The following ABLIM2 variants were observed in gnomAD, a reference collection of about 807,000 sequenced individuals.
ABLIM2 encodes actin binding LIM protein family member 2, also known as actin-binding LIM protein 2.
A neutral mutation model predicts 97.7 loss-of-function variants in ABLIM2; 53 were observed. The ratio of observed to expected loss-of-function variants is 0.54; its 90% CI spans 0.44 to 0.68. ABLIM2 has a LOEUF of 0.68. Ranked by LOEUF, ABLIM2 falls within the 30% of genes least tolerant of loss-of-function variation. The pLI, the probability that ABLIM2 is intolerant of heterozygous loss-of-function variation, is 0.00. For missense variants in ABLIM2, 835 were observed against 867.2 expected (o/e 0.96, Z 0.47); for synonymous variants, 361 against 345.8 (o/e 1.04, Z -0.49).
In ABLIM2 at chr4:8,071,007, G is replaced by A. The variant is rs1410407080; in HGVS notation, c.675+6621C>T. ...CCTCTTCAGGAGGTGTTGACAGGGC[G>A]AGGGAGGGATGGGGTTCCTGGAAGG... On this transcript the variant is annotated intron_variant, in intron 6 of 20. Coordinates refer to ENST00000447017, the MANE Select transcript of ABLIM2 (RefSeq NM_001130083.2). This position sits in a 1 kb window ranked among gnomAD's most constrained non-coding sequence, Gnocchi z 6.2. 3.3e-5 allele frequency among the ~76,000 whole-genome samples: 5 copies of A among 152,170 alleles called. No individual in the cohort carries two copies. Among genetic ancestry groups the A allele is most frequent in the Admixed American group, 6.5e-5 (1 of 15,286 alleles).
chr4:8,078,768 G>A (rs1160080205), intron 5 of ABLIM2, among the ~76,000 whole-genome samples: 1 of 152,214 alleles, frequency 6.6e-6, no homozygotes, highest in East Asian at 1.9e-4. Flanking sequence ...AAGGACTAAT[G>A]AAGAGAATGG....
Position 8,019,809 on chromosome 4 carries a change from G to T in ABLIM2, c.1370-138C>A. On this transcript the variant is annotated intron_variant, in intron 13 of 20. Transcript: ENST00000447017. This position sits in a 1 kb window ranked among gnomAD's most constrained non-coding sequence, Gnocchi z 4.3. ...CATCAGGCAGGAACTGGCACCCAGC[G>T]AGCGACAGACACCCAGGCCCCAGAT... 1.2e-6 allele frequency: 1 copy of T among 835,848 alleles called. No homozygotes were observed. The highest frequency in any genetic ancestry group is 1.9e-6 in the Non-Finnish European group (1 of 528,010). 51.8% of individuals were successfully genotyped at this position (835,848 alleles called of 1,614,324 possible).
At chr4:8,152,728 C>A (rs761713133) in intron 1 of ABLIM2, among the ~76,000 whole-genome samples, 1 of 152,208 alleles carries the variant, frequency 6.6e-6, no homozygotes, top group Non-Finnish European at 1.5e-5. Context: ...TAGGAGCTAT[C>A]CCAGGACATG....
chr4:8,033,402 C>T lies in ABLIM2; in HGVS notation c.1047+2747G>A, dbSNP rs564355351. On this transcript the variant is annotated intron_variant, in intron 10 of 20. Coordinates refer to ENST00000447017, the MANE Select transcript of ABLIM2 (RefSeq NM_001130083.2). This position sits in a 1 kb window ranked among gnomAD's most constrained non-coding sequence, Gnocchi z 4.5. The stretch of plus-strand genomic sequence containing the variant: ...GCCACGGGCCCTGTGAAGCCCTGTG[C>T]CATGGGAGGTGGGAAGCTGAAGGCC... Among the ~76,000 whole-genome samples the T allele has an allele frequency of 6.6e-6, 1 of 152,182 alleles. No individual in the cohort carries two copies. Among genetic ancestry groups the T allele is most frequent in the Non-Finnish European group, 1.5e-5 (1 of 68,026 alleles).
chr4:8,088,275 G>T lies in ABLIM2; in HGVS notation c.348C>A (p.Phe116Leu), dbSNP rs747138981. 2 of 1,612,184 alleles carry T rather than the reference G, an allele frequency of 1.2e-6. No homozygotes were observed. Among genetic ancestry groups the T allele is most frequent in the East Asian group, 2.2e-5 (1 of 44,792 alleles). ...TGAAGGTCACTCGGTCCCCGGGGGG[G>T]AAGGGCAGCCTGAAACAAGAGAGCT... ...CFVCAVCRLPFPPGDRVTFNG... is the reference protein window; with the variant it reads ...CFVCAVCRLPLPPGDRVTFNG... Residue 116 changes from phenylalanine to leucine, a missense_variant, in exon 4 of 21, where the codon TTC (phenylalanine) becomes TTA (leucine). Phe to Leu is a conservative substitution (Grantham distance 22). Transcript: ENST00000447017.
rs1760510776 is a variant in ABLIM2 at position 8,005,359 on chromosome 4, A to T, written c.1618+2700T>A. ...TGTAACGCATTTCAATTCAACAGACATTTATTGAGTGCCCACTGTGTTGGG... is the reference window on the plus strand; with the variant it reads ...TGTAACGCATTTCAATTCAACAGACTTTTATTGAGTGCCCACTGTGTTGGG... On this transcript the variant is annotated intron_variant, in intron 16 of 20. Transcript: ENST00000447017. The surrounding 1 kb of genome is among the most constrained non-coding windows in gnomAD (Gnocchi z 4.9). 1.9e-6 allele frequency: 1 copy of T among 533,558 alleles called. No homozygotes were observed. Among genetic ancestry groups the T allele is most frequent in the South Asian group, 1.4e-5 (1 of 71,540 alleles). The allele number at this position is 533,558 out of a possible 1,614,324, so 33.1% of individuals were successfully genotyped here.
chr4:7,994,584 C>CGCAACAAAAGACAAAATTGACA (rs1283882613), intron 16 of ABLIM2, among the ~76,000 whole-genome samples: 2 of 73,132 alleles, frequency 2.7e-5, no homozygotes, highest in African/African-American at 7.8e-5. Context: ...TTTATAGCAG[C>CGCAACAAAAGACAAAATTGACA]ATGATTTATA....
At chr4:8,135,007 C>T (rs1533505) in intron 1 of ABLIM2, among the ~76,000 whole-genome samples, 7,649 of 152,306 alleles carry the variant, frequency 0.05, 248 homozygotes, top group Middle Eastern at 0.13. Context: ...AAGGACCCAG[C>T]GTCACCGAGG....
intron 18 of ABLIM2, among the ~76,000 whole-genome samples, chr4:7,984,607 G>A (rs558857384): frequency 4.6e-5 from 7 of 152,370 alleles, no homozygotes; most frequent in East Asian, 1.9e-4. Flanking sequence ...CAGGGCCGCC[G>A]TGGCCATGGA....
In ABLIM2 at chr4:8,113,466, G is replaced by C. The variant is rs1841326898; in HGVS notation, c.11-6829C>G. 6.6e-6 allele frequency among the ~76,000 whole-genome samples: 1 copy of C among 152,160 alleles called. No homozygotes were observed. The highest frequency in any genetic ancestry group is 1.5e-5 in the Non-Finnish European group (1 of 68,038). On this transcript the variant is annotated intron_variant, in intron 1 of 20. Transcript: ENST00000447017. The surrounding 1 kb of genome is among the most constrained non-coding windows in gnomAD (Gnocchi z 4.5). ...TATTTAGTTCCACCCTTCTCTAAGGGCCCAGTGAACTTTGGACCTCTGAGC... is the reference window on the plus strand; with the variant it reads ...TATTTAGTTCCACCCTTCTCTAAGGCCCCAGTGAACTTTGGACCTCTGAGC...
Position 8,058,999 on chromosome 4 carries a change from T to C in ABLIM2, c.763+1968A>G, listed in dbSNP as rs575344029. On this transcript the variant is annotated intron_variant, in intron 7 of 20. Coordinates refer to ENST00000447017, the MANE Select transcript of ABLIM2 (RefSeq NM_001130083.2). The surrounding 1 kb of genome is among the most constrained non-coding windows in gnomAD (Gnocchi z 4.2). The stretch of plus-strand genomic sequence containing the variant: ...CCTGCTCATTGGCTGCAACCCCCAC[T>C]GTCTGCCATATTCAAAATCTCACCC... Among the ~76,000 whole-genome samples, 2 of 152,260 alleles carry C rather than the reference T, an allele frequency of 1.3e-5. No homozygotes were observed. The highest frequency in any genetic ancestry group is 4.8e-5 in the African/African-American group (2 of 41,564).
chr4:8,145,758 AC>A, intron 1 of ABLIM2, among the ~76,000 whole-genome samples: 1 of 138,676 alleles, frequency 7.2e-6, no homozygotes, highest in African/African-American at 2.7e-5. Context: ...ACACACACAC[AC>A]ACACACACAC....
Position 8,125,393 on chromosome 4 carries a change from A to T in ABLIM2, c.11-18756T>A, listed in dbSNP as rs2152905508. 6.6e-6 allele frequency among the ~76,000 whole-genome samples: 1 copy of T among 152,348 alleles called. No homozygotes were observed. Among genetic ancestry groups the T allele is most frequent in the East Asian group, 1.9e-4 (1 of 5,186 alleles). On this transcript the variant is annotated intron_variant, in intron 1 of 20. Transcript: ENST00000447017. The surrounding 1 kb of genome is among the most constrained non-coding windows in gnomAD (Gnocchi z 6.2). ...AATAATTTTACACAAATAGAATTGCATCTATGTGACTGCTAGTTTTAATTG... is the reference window on the plus strand; with the variant it reads ...AATAATTTTACACAAATAGAATTGCTTCTATGTGACTGCTAGTTTTAATTG...
intron 16 of ABLIM2, chr4:8,007,754 C>A: frequency 8.8e-7 from 1 of 1,140,512 alleles, no homozygotes. Flanking sequence ...AGCCCGGACG[C>A]CTTTCTCCTA....
intron 2 of ABLIM2, among the ~76,000 whole-genome samples, chr4:8,100,713 T>G (rs951177627): frequency 8.0e-6 from 1 of 125,442 alleles, no homozygotes; most frequent in Admixed American, 1.0e-4. Context: ...GCCACTGCAC[T>G]CCAGCCTGGG....
intron 1 of ABLIM2, among the ~76,000 whole-genome samples, chr4:8,108,359 T>C (rs1468911048): frequency 6.6e-6 from 1 of 152,162 alleles, no homozygotes; most frequent in Non-Finnish European, 1.5e-5. Flanking sequence ...CCCCGAATGA[T>C]CTCATTGACA....
chr4:8,045,345 G>A (rs1560918402), intron 8 of ABLIM2, 104 bp from the exon 9 acceptor site: 10 of 1,080,218 alleles, frequency 9.3e-6, no homozygotes, highest in East Asian at 2.4e-5. Context: ...AGCGCACTGC[G>A]GTGTTTCTTT....
At chr4:8,000,073 G>A (rs918797574) in intron 16 of ABLIM2, among the ~76,000 whole-genome samples, 5 of 152,118 alleles carry the variant, frequency 3.3e-5, no homozygotes, top group African/African-American at 1.2e-4. Flanking sequence ...CTGGGTGCAC[G>A]GGCAGGAGGC....
intron 8 of ABLIM2, among the ~76,000 whole-genome samples, chr4:8,051,110 GT>G (rs1161926069): frequency 1.3e-5 from 2 of 152,250 alleles, no homozygotes; most frequent in African/African-American, 4.8e-5. Flanking sequence ...CCTCCTGCAG[GT>G]CTCATGGCCG....
Sources: allele counts gnomAD v4.1 joint callset (sites outside exome capture counted in the v4.1 genomes callset), GRCh38; gene constraint gnomAD v4.1.1; non-coding constraint Gnocchi (gnomAD v3.1); transcripts MANE v1.5; gene names NCBI Gene and HGNC (gene_info 2026-07-23, HGNC 2026-07-21).